The following PTPRK variants were observed in gnomAD, a reference collection of about 807,000 sequenced individuals.
The protein encoded by PTPRK is receptor-type tyrosine-protein phosphatase kappa.
A neutral mutation model predicts 178.0 loss-of-function variants in PTPRK; 75 were observed. That is an observed-to-expected ratio of 0.42 (90% CI 0.35 to 0.51). PTPRK has a LOEUF of 0.51. Ranked by LOEUF, PTPRK falls within the 20% of genes least tolerant of loss-of-function variation. The probability of loss-of-function intolerance (pLI) is 0.02; values close to 1 mark genes in which losing one functional copy is unlikely to be tolerated. For synonymous variants in PTPRK, 637 were observed against 620.6 expected, an observed-to-expected ratio of 1.03 and a Z score of -0.39; for missense variants, 1,441 against 1,797.8, an observed-to-expected ratio of 0.80 and a Z score of 3.59.
chr6:128,057,173 C>T lies in PTPRK; in HGVS notation c.2194+7585G>A, dbSNP rs4532460. ...TTATTTTTCTACATCCAATTTTCTA[C>T]TTCCTTAATTGTATGTATAATTTTT... On this transcript the variant is annotated intron_variant, in intron 13 of 29. Coordinates refer to ENST00000368226, the MANE Select transcript of PTPRK (RefSeq NM_002844.4). Among the ~76,000 whole-genome samples, 2,509 of 152,274 alleles carry T rather than the reference C, an allele frequency of 0.016. 161 individuals carry two copies. In the East Asian group the frequency reaches 0.19, roughly 12 times the overall value.
At chr6:128,406,946 G>A (rs898565432) in intron 1 of PTPRK, among the ~76,000 whole-genome samples, 2 of 152,152 alleles carry the variant, frequency 1.3e-5, no homozygotes, top group Admixed American at 1.3e-4. Flanking sequence ...AGTGTTAAAG[G>A]GGGGAATAGT....
At chr6:128,480,687 A>G (rs1467726117) in intron 1 of PTPRK, among the ~76,000 whole-genome samples, 2 of 152,162 alleles carry the variant, frequency 1.3e-5, no homozygotes, top group Admixed American at 1.3e-4. Context: ...CTAAGGCTCA[A>G]AAAGGTGAAT....
At chr6:128,097,793 A>AAG (rs1422455702) in intron 7 of PTPRK, among the ~76,000 whole-genome samples, 1 of 152,090 alleles carries the variant, frequency 6.6e-6, no homozygotes, top group Non-Finnish European at 1.5e-5. Flanking sequence ...AGAAAATAAG[A>AAG]AGAGAATAAT....
At chr6:128,359,168 C>T (rs1834368918) in intron 2 of PTPRK, among the ~76,000 whole-genome samples, 1 of 152,128 alleles carries the variant, frequency 6.6e-6, no homozygotes, top group Non-Finnish European at 1.5e-5. Flanking sequence ...AGGATAATTT[C>T]CACCAGGTAC....
At chr6:128,346,417 A>T (rs532241652) in intron 2 of PTPRK, among the ~76,000 whole-genome samples, 20 of 152,106 alleles carry the variant, frequency 1.3e-4, no homozygotes, top group Non-Finnish European at 2.5e-4. Context: ...GTATGATAAA[A>T]TTTTTCTATA....
At chr6:128,121,204 G>C (rs1792404670) in intron 7 of PTPRK, among the ~76,000 whole-genome samples, 1 of 151,944 alleles carries the variant, frequency 6.6e-6, no homozygotes, top group Non-Finnish European at 1.5e-5. Flanking sequence ...TTATAGTGCT[G>C]AGTACAGCTT....
intron 13 of PTPRK, among the ~76,000 whole-genome samples, chr6:128,060,418 T>A (rs1461475970): frequency 6.6e-6 from 1 of 152,152 alleles, no homozygotes; most frequent in East Asian, 1.9e-4. Context: ...TAATCTCTCA[T>A]TATAATGTCC....
intron 6 of PTPRK, among the ~76,000 whole-genome samples, chr6:128,202,391 C>G (rs1337182002): frequency 6.6e-6 from 1 of 152,204 alleles, no homozygotes; most frequent in Non-Finnish European, 1.5e-5. Context: ...GTCCAATACA[C>G]AGAGCTGTGT....
At chr6:128,376,703 G>C (rs1292671687) in intron 2 of PTPRK, among the ~76,000 whole-genome samples, 1 of 152,120 alleles carries the variant, frequency 6.6e-6, no homozygotes, top group Admixed American at 6.6e-5. Flanking sequence ...TTTATGCTAT[G>C]TTTCCCTTTT....
chr6:128,280,901 A>G (rs750625138), intron 3 of PTPRK, among the ~76,000 whole-genome samples: 3 of 152,162 alleles, frequency 2.0e-5, no homozygotes, highest in Non-Finnish European at 4.4e-5. Context: ...CTATTTTTAT[A>G]CTTTTTGTAG....
At chr6:128,357,868 T>C (rs1480867725) in intron 2 of PTPRK, among the ~76,000 whole-genome samples, 1 of 152,180 alleles carries the variant, frequency 6.6e-6, no homozygotes, top group Non-Finnish European at 1.5e-5. Context: ...CCTTTGTAAA[T>C]AGATAATGTG....
At position 128,184,464 on chromosome 6, in the gene PTPRK, C is replaced by T; in HGVS notation, c.1130G>A (p.Gly377Glu). The change falls in exon 7 of 30, where the codon GGA (glycine) becomes GAA (glutamate). Residue 377 changes from glycine to glutamate, a missense_variant. Physicochemically the swap from Gly to Glu is moderately conservative, Grantham distance 98. Around this residue, in one of 4 missense-constraint regions of PTPRK, gnomAD observed 945 missense variants for 1,080.6 expected, o/e 0.87. Transcript: ENST00000368226. ...RPGEGGTGLPGPPLITRTKCA... is the reference protein window; with the variant it reads ...RPGEGGTGLPEPPLITRTKCA... ...TTTTGTTCTGGTGATTAGTGGAGGT[C>T]CTGGGAGCCCCGTTCCACCTTCACC... 1 of 1,613,602 alleles carries T rather than the reference C, an allele frequency of 6.2e-7. No individual in the cohort carries two copies. Among genetic ancestry groups the T allele is most frequent in the Non-Finnish European group, 8.5e-7 (1 of 1,179,766 alleles).
At chr6:128,427,769 C>T (rs1844335403) in intron 1 of PTPRK, among the ~76,000 whole-genome samples, 1 of 152,128 alleles carries the variant, frequency 6.6e-6, no homozygotes, top group Non-Finnish European at 1.5e-5. Flanking sequence ...CAGGATCAAC[C>T]ACGACCATCA....
chr6:128,480,687 A>T (rs1467726117), intron 1 of PTPRK, among the ~76,000 whole-genome samples: 6 of 152,162 alleles, frequency 3.9e-5, no homozygotes, highest in African/African-American at 1.4e-4. Flanking sequence ...CTAAGGCTCA[A>T]AAAGGTGAAT....
chr6:128,188,870 T>C (rs1249731760), intron 6 of PTPRK, among the ~76,000 whole-genome samples: 1 of 152,198 alleles, frequency 6.6e-6, no homozygotes, highest in Non-Finnish European at 1.5e-5. Context: ...CAAATCTCCC[T>C]CTGCCTTCCA....
intron 1 of PTPRK, among the ~76,000 whole-genome samples, chr6:128,438,045 A>G (rs1456987430): frequency 6.6e-6 from 1 of 152,218 alleles, no homozygotes; most frequent in Non-Finnish European, 1.5e-5. Context: ...CCATCCCGGG[A>G]TACTGTAATT....
chr6:128,256,687 C>T (rs1817381621), intron 3 of PTPRK, among the ~76,000 whole-genome samples: 1 of 151,970 alleles, frequency 6.6e-6, no homozygotes, highest in Non-Finnish European at 1.5e-5. Flanking sequence ...CCGCCCGCCT[C>T]AGCCTCCCAA....
chr6:128,312,101 G>A (rs774649248), intron 3 of PTPRK, among the ~76,000 whole-genome samples: 3 of 152,146 alleles, frequency 2.0e-5, no homozygotes, highest in Non-Finnish European at 4.4e-5. Flanking sequence ...AGTAGACTGA[G>A]GTGAAGAAAC....
At chr6:128,380,402 C>T (rs991804987) in intron 2 of PTPRK, among the ~76,000 whole-genome samples, 8 of 152,018 alleles carry the variant, frequency 5.3e-5, no homozygotes, top group Non-Finnish European at 1.0e-4. Context: ...ATAAACGCAA[C>T]CTTCCCCAAG....
Sources: gnomAD v4.1 joint callset for allele counts (sites outside exome capture counted in the v4.1 genomes callset) on GRCh38, gnomAD v4.1.1 for gene constraint, gnomAD v4.1.1 regional missense constraint, MANE v1.5 for transcripts, NCBI Gene and HGNC (gene_info 2026-07-23, HGNC 2026-07-21) for gene names.